Variants in ATP10D observed in about 807,000 individuals in gnomAD.
The protein encoded by ATP10D is ATPase phospholipid transporting 10D (putative).
ATP10D carries 89 observed loss-of-function variants against 144.8 expected under a neutral mutation model. The ratio of observed to expected loss-of-function variants is 0.61; its 90% CI spans 0.52 to 0.73. The LOEUF is 0.73. Ranked by LOEUF, ATP10D falls within the 30% of genes least tolerant of loss-of-function variation. ATP10D has a pLI of 0.00. For synonymous variants in ATP10D, 571 were observed against 615.1 expected, an observed-to-expected ratio of 0.93 and a Z score of 1.06; for missense variants, 1,603 against 1,714.8, an observed-to-expected ratio of 0.93 and a Z score of 1.15.
intron 17 of ATP10D, 80 bp from the exon 18 acceptor site, chr4:47,572,792 G>GAT: frequency 6.3e-7 from 1 of 1,575,864 alleles, no homozygotes; most frequent in Non-Finnish European, 8.7e-7. Context: ...TGAGGCCTAG[G>GAT]GTTTCCCAAG....
chr4:47,505,094 A>G (rs1655185318), intron 1 of ATP10D, among the ~76,000 whole-genome samples: 1 of 152,164 alleles, frequency 6.6e-6, no homozygotes, highest in Admixed American at 6.5e-5. Flanking sequence ...AATCCTTAAG[A>G]CCTCATCAAC....
intron 1 of ATP10D, among the ~76,000 whole-genome samples, chr4:47,504,919 G>A (rs568404670): frequency 3.9e-5 from 6 of 152,226 alleles, no homozygotes; most frequent in African/African-American, 1.4e-4. Context: ...GTCTTCCATG[G>A]TTTACAACAT....
intron 10 of ATP10D, among the ~76,000 whole-genome samples, chr4:47,554,423 T>C (rs1411301787): frequency 6.6e-6 from 1 of 152,220 alleles, no homozygotes; most frequent in Non-Finnish European, 1.5e-5. Context: ...TCTGCTATTA[T>C]GTATTTCAAA....
chr4:47,519,592 T>A (rs1420120578), intron 3 of ATP10D, among the ~76,000 whole-genome samples: 1 of 152,224 alleles, frequency 6.6e-6, no homozygotes, highest in Admixed American at 6.5e-5. Context: ...CTGTGAGCAT[T>A]GTGGTTTAAC....
At chr4:47,508,593 T>C (rs1716146679) in intron 1 of ATP10D, among the ~76,000 whole-genome samples, 1 of 152,270 alleles carries the variant, frequency 6.6e-6, no homozygotes, top group Non-Finnish European at 1.5e-5. Flanking sequence ...AGCAAAGTGC[T>C]CATTCCTTCA....
chr4:47,553,633 G>C (rs1718835293), intron 10 of ATP10D, among the ~76,000 whole-genome samples: 1 of 152,204 alleles, frequency 6.6e-6, no homozygotes, highest in Admixed American at 6.5e-5. Context: ...TTAGGTAGAA[G>C]AGGAAAAGGA....
intron 16 of ATP10D, 103 bp from the exon 17 acceptor site, chr4:47,572,051 G>C (rs1336929650): frequency 1.9e-6 from 2 of 1,049,248 alleles, no homozygotes; most frequent in Admixed American, 1.8e-5. Context: ...GATGAACTTT[G>C]AAGGATTTAT....
At chr4:47,542,877 C>T (rs1439120329) in intron 9 of ATP10D, among the ~76,000 whole-genome samples, 5 of 152,154 alleles carry the variant, frequency 3.3e-5, no homozygotes, top group African/African-American at 9.7e-5. Context: ...ACAAGTTTTC[C>T]CTACAGTAAT....
chr4:47,485,871 GCACACACACGCATTCACACACA>G (rs1714730490), intron 1 of ATP10D, among the ~76,000 whole-genome samples: 1 of 67,228 alleles, frequency 1.5e-5, no homozygotes, highest in Admixed American at 1.4e-4. Context: ...ACACGGGCAC[GCACACACACGCATTCACACACA>G]CACACACTCC....
intron 10 of ATP10D, among the ~76,000 whole-genome samples, chr4:47,549,602 C>T (rs981361367): frequency 1.1e-4 from 17 of 152,188 alleles, no homozygotes; most frequent in Admixed American, 2.6e-4. Flanking sequence ...AAGACGTGGC[C>T]TCAGCCTTCA....
At chr4:47,505,831 G>C (rs1278548495) in intron 1 of ATP10D, among the ~76,000 whole-genome samples, 1 of 152,032 alleles carries the variant, frequency 6.6e-6, no homozygotes, top group African/African-American at 2.4e-5. Flanking sequence ...AGGGCATCTT[G>C]AAATGATTAT....
chr4:47,590,463 CAA>C (rs1235645918), intron 22 of ATP10D, among the ~76,000 whole-genome samples: 1 of 152,102 alleles, frequency 6.6e-6, no homozygotes, highest in Non-Finnish European at 1.5e-5. Flanking sequence ...TAGATCTCCT[CAA>C]CCATTGCAGT....
rs190160048 is a variant in ATP10D, at chr4:47,518,654, A to G, written c.485+2984A>G. Among the ~76,000 whole-genome samples, 95 of 152,344 alleles carry G rather than the reference A, an allele frequency of 6.2e-4. 1 individual carries two copies. In the East Asian group the frequency reaches 0.017, roughly 27 times the overall value. ...AGTTAACATTTTAGGATTATCTTAT[A>G]AATCCATAGAATTTCATGATTTGTA... On this transcript the variant is annotated intron_variant, in intron 3 of 22. Transcript: ENST00000273859.
intron 14 of ATP10D, among the ~76,000 whole-genome samples, chr4:47,563,369 T>C (rs1398489829): frequency 6.6e-6 from 1 of 152,182 alleles, no homozygotes; most frequent in Admixed American, 6.5e-5. Flanking sequence ...GTTTGATAAA[T>C]CCATTGATCC....
At chr4:47,535,050 A>C (rs1717767343) in intron 5 of ATP10D, among the ~76,000 whole-genome samples, 3 of 152,268 alleles carry the variant, frequency 2.0e-5, no homozygotes, top group African/African-American at 7.2e-5. Context: ...ATCCTAAATG[A>C]ACTAATGCTG....
At chr4:47,524,039 G>A (rs1560423794) in intron 4 of ATP10D, among the ~76,000 whole-genome samples, 1 of 152,116 alleles carries the variant, frequency 6.6e-6, no homozygotes, top group Non-Finnish European at 1.5e-5. Context: ...TGATACTCCT[G>A]CCTCAGCCTC....
chr4:47,578,053 A>G (rs1195234345), intron 19 of ATP10D, among the ~76,000 whole-genome samples: 1 of 152,196 alleles, frequency 6.6e-6, no homozygotes. Flanking sequence ...ACGTGAGATC[A>G]TTGTTTCCTG....
At chr4:47,535,741 G>T (rs1244859578) in intron 6 of ATP10D, 126 bp downstream of exon 6, 5 of 1,316,676 alleles carry the variant, frequency 3.8e-6, no homozygotes, top group Admixed American at 2.7e-5. Flanking sequence ...TTAATTATTG[G>T]TCTCTGTTTT....
chr4:47,548,235 T>C (rs1718544576), intron 10 of ATP10D, among the ~76,000 whole-genome samples: 1 of 151,992 alleles, frequency 6.6e-6, no homozygotes, highest in African/African-American at 2.4e-5. Flanking sequence ...GGTTATTTCT[T>C]AGTTTAAAGT....
Sources: allele counts gnomAD v4.1 joint callset (sites outside exome capture counted in the v4.1 genomes callset), GRCh38; gene constraint gnomAD v4.1.1; transcripts MANE v1.5; gene names NCBI Gene and HGNC (gene_info 2026-07-23, HGNC 2026-07-21).